Variants in RBFOX1 observed in about 807,000 individuals in gnomAD.
RBFOX1 encodes RNA binding fox-1 homolog 1, also known as RNA binding protein fox-1 homolog 1.
A neutral mutation model predicts 57.7 loss-of-function variants in RBFOX1; 8 were observed. The observed-to-expected ratio is 0.14, with a 90% CI of 0.08 to 0.25. The LOEUF (loss-of-function observed/expected upper bound fraction) is 0.25. Among genes scored for constraint, RBFOX1 ranks in the 10% least tolerant of loss-of-function variants. The pLI is 1.00. For synonymous variants in RBFOX1, 326 were observed against 222.4 expected (o/e 1.47, Z -4.15); for missense variants, 611 against 548.5 (o/e 1.11, Z -1.14).
intron 2 of RBFOX1, among the ~76,000 whole-genome samples, chr16:5,506,398 C>A (rs911484768): frequency 6.6e-6 from 1 of 152,194 alleles, no homozygotes; most frequent in Non-Finnish European, 1.5e-5. Context: ...GGACTCTAAA[C>A]CCCAATCCTT....
chr16:5,510,676 G>A (rs980262533), intron 2 of RBFOX1, among the ~76,000 whole-genome samples: 1 of 152,182 alleles, frequency 6.6e-6, no homozygotes, highest in Non-Finnish European at 1.5e-5. Context: ...GGTGGCCTGT[G>A]AGCTACTGCA....
At chr16:6,390,010 G>T (rs1182817297) in intron 2 of RBFOX1, among the ~76,000 whole-genome samples, 1 of 152,120 alleles carries the variant, frequency 6.6e-6, no homozygotes, top group Non-Finnish European at 1.5e-5. Flanking sequence ...ACTGTGTTTG[G>T]GCTAAATTGC....
chr16:5,525,535 T>C (rs1032109248), intron 2 of RBFOX1, among the ~76,000 whole-genome samples: 1 of 148,160 alleles, frequency 6.7e-6, no homozygotes, highest in African/African-American at 2.5e-5. Flanking sequence ...TCTTGCTCTG[T>C]TGCCAAGGCT....
intron 1 of RBFOX1, among the ~76,000 whole-genome samples, chr16:5,452,419 C>T (rs2068455429): frequency 6.6e-6 from 1 of 151,816 alleles, no homozygotes; most frequent in Admixed American, 6.6e-5. Flanking sequence ...TGATTCATCC[C>T]TCTATTCTGC....
At chr16:6,554,314 C>T (rs774483972) in intron 2 of RBFOX1, among the ~76,000 whole-genome samples, 1 of 152,100 alleles carries the variant, frequency 6.6e-6, no homozygotes, top group Admixed American at 6.5e-5. Context: ...GGTTCTGCTC[C>T]CATCCCCGTG....
At chr16:7,436,583 G>C (rs942603296) in intron 4 of RBFOX1, among the ~76,000 whole-genome samples, 4 of 152,188 alleles carry the variant, frequency 2.6e-5, no homozygotes, top group Non-Finnish European at 5.9e-5. Context: ...ATAAACTGAG[G>C]CTCCATGAGG....
In RBFOX1 at chr16:7,333,058, G is replaced by A. The variant is rs147261087; in HGVS notation, c.28-185089G>A. The A allele has an allele frequency of 1.9e-4, 313 of 1,613,834 alleles. 1 individual carries two copies. In the East Asian group the frequency reaches 3.8e-3, roughly 20 times the overall value. On this transcript the variant is annotated intron_variant, in intron 4 of 15. Transcript: ENST00000550418. ...CTTATGGCGTGCCTATGATTGTACCGGCAGCTCCTTACCTTCCTGGACTGA... is the reference window on the plus strand; with the variant it reads ...CTTATGGCGTGCCTATGATTGTACCAGCAGCTCCTTACCTTCCTGGACTGA...
Position 6,273,073 on chromosome 16 carries a change from A to C in RBFOX1, c.-126-43922A>C, listed in dbSNP as rs536502285. On this transcript the variant is annotated intron_variant, in intron 1 of 15. Coordinates refer to ENST00000550418, the MANE Select transcript of RBFOX1 (RefSeq NM_018723.4). ...TCAGGAGTTCAAGACCAGCCTGGCC[A>C]ACATGGTGAAACCCCTTCTCTACTA... Among the ~76,000 whole-genome samples, 15 of 152,154 alleles carry C rather than the reference A, an allele frequency of 9.9e-5. No homozygotes were observed. In the South Asian group the frequency reaches 2.9e-3, roughly 29 times the overall value.
intron 1 of RBFOX1, among the ~76,000 whole-genome samples, chr16:5,344,183 G>A (rs1279427349): frequency 2.0e-5 from 3 of 152,172 alleles, no homozygotes; most frequent in African/African-American, 7.2e-5. Flanking sequence ...TTCCCTGAAT[G>A]CACTCTGCAA....
chr16:7,056,770 A>C (rs961592241), intron 4 of RBFOX1, among the ~76,000 whole-genome samples: 1 of 152,072 alleles, frequency 6.6e-6, no homozygotes, highest in Non-Finnish European at 1.5e-5. Context: ...TAGTTAGAAA[A>C]CTACTAGGTA....
chr16:7,483,898 C>G (rs1159954433), intron 4 of RBFOX1, among the ~76,000 whole-genome samples: 1 of 152,222 alleles, frequency 6.6e-6, no homozygotes, highest in East Asian at 1.9e-4. Context: ...AATTCATCCG[C>G]TTAAGTGTAC....
At chr16:7,178,964 C>G (rs1174625149) in intron 4 of RBFOX1, among the ~76,000 whole-genome samples, 1 of 152,108 alleles carries the variant, frequency 6.6e-6, no homozygotes, top group African/African-American at 2.4e-5. Context: ...ACTGCTGGCC[C>G]ATTATAATTT....
intron 3 of RBFOX1, among the ~76,000 whole-genome samples, chr16:6,701,208 A>G (rs2061798414): frequency 6.6e-6 from 1 of 151,982 alleles, no homozygotes; most frequent in Non-Finnish European, 1.5e-5. Flanking sequence ...TCTCTCAGTC[A>G]TTGGATGCAA....
chr16:5,908,400 T>C lies in RBFOX1; in HGVS notation c.351+41065T>C, dbSNP rs990563461. Among the ~76,000 whole-genome samples the C allele has an allele frequency of 3.3e-5, 5 of 151,650 alleles. No homozygotes were observed. In the East Asian group the frequency reaches 7.8e-4, roughly 24 times the overall value. ...CAGAGTCTGACTCTGTTGTCCAGGC[T>C]GGAGTGCAGTAGTGCGATCTTGGCT... On this transcript the variant is annotated intron_variant, in intron 4 of 19. Coordinates refer to the RBFOX1 transcript ENST00000641259.
intron 3 of RBFOX1, among the ~76,000 whole-genome samples, chr16:6,957,892 GC>G (rs996156633): frequency 3.3e-5 from 5 of 152,092 alleles, no homozygotes; most frequent in African/African-American, 1.2e-4. Flanking sequence ...CCCTTAAATG[GC>G]CCCTCCCTTT....
At chr16:7,141,497 C>T (rs763218662) in intron 4 of RBFOX1, among the ~76,000 whole-genome samples, 4 of 152,168 alleles carry the variant, frequency 2.6e-5, no homozygotes, top group South Asian at 2.1e-4. Flanking sequence ...GCATAAAGCA[C>T]GGAAATGGAG....
intron 3 of RBFOX1, among the ~76,000 whole-genome samples, chr16:7,030,310 T>C (rs2042462559): frequency 6.6e-6 from 1 of 152,118 alleles, no homozygotes; most frequent in Admixed American, 6.5e-5. Context: ...GATGAGGAAA[T>C]GAGGCATATG....
chr16:7,364,044 C>G (rs751615519), intron 4 of RBFOX1, among the ~76,000 whole-genome samples: 2 of 152,192 alleles, frequency 1.3e-5, no homozygotes, highest in Non-Finnish European at 2.9e-5. Context: ...AGTAGAACAG[C>G]CAGTCAGCTT....
rs981602309 is a variant in RBFOX1, at chr16:6,019,534, C to T, written c.-585C>T. The T allele has an allele frequency of 1.9e-6, 2 of 1,080,714 alleles. No individual in the cohort carries two copies. The highest frequency in any genetic ancestry group is 2.2e-6 in the Non-Finnish European group (2 of 891,632). 66.9% of individuals were successfully genotyped at this position (1,080,714 alleles called of 1,614,324 possible). A position where few individuals can be genotyped will look rare whatever the true frequency, so the allele number is the denominator to read the frequency against. Reference sequence around the variant, plus strand: ...CGGTGGGGCGGGGGCGCTCTGCCAGCCCCGGGAACAGCAGAGGCGGCGGCA... The same window carrying T: ...CGGTGGGGCGGGGGCGCTCTGCCAGTCCCGGGAACAGCAGAGGCGGCGGCA... On this transcript the variant is annotated 5_prime_UTR_variant, in exon 1 of 16. Transcript: ENST00000550418. This position sits in a 1 kb window ranked among gnomAD's most constrained non-coding sequence, Gnocchi z 4.2.
Sources: allele counts gnomAD v4.1 joint callset (sites outside exome capture counted in the v4.1 genomes callset), GRCh38; gene constraint gnomAD v4.1.1; non-coding constraint Gnocchi (gnomAD v3.1); transcripts MANE v1.5; gene names NCBI Gene and HGNC (gene_info 2026-07-23, HGNC 2026-07-21).